Variants in MME observed in about 807,000 individuals in gnomAD.
MME encodes the protein neprilysin.
Under a neutral mutation model 113.2 loss-of-function variants are expected in MME, and 98 were observed. The observed-to-expected ratio is 0.87, with a 90% CI of 0.74 to 1.02. MME has a LOEUF of 1.02. Ranked by LOEUF, MME falls within the 50% of genes least tolerant of loss-of-function variation. The probability of loss-of-function intolerance (pLI) is 0.00; values close to 1 mark genes in which losing one functional copy is unlikely to be tolerated. For missense variants in MME, 836 were observed against 896.0 expected (o/e 0.93, Z 0.86); for synonymous variants, 292 against 300.6 (o/e 0.97, Z 0.30).
chr3:155,040,920 G>C (rs1301971807), intron 1 of MME, among the ~76,000 whole-genome samples: 1 of 152,084 alleles, frequency 6.6e-6, no homozygotes, highest in Non-Finnish European at 1.5e-5. Flanking sequence ...TTAATTTGTG[G>C]CTCAAACCAT....
At chr3:155,057,970 T>A (rs561745580) in intron 1 of MME, among the ~76,000 whole-genome samples, 2 of 152,282 alleles carry the variant, frequency 1.3e-5, no homozygotes, top group South Asian at 4.1e-4. Flanking sequence ...TTTATTTATT[T>A]TGGAAGAGAA....
At chr3:155,134,382 CAT>C (rs1263897234) in intron 8 of MME, among the ~76,000 whole-genome samples, 9 of 152,092 alleles carry the variant, frequency 5.9e-5, no homozygotes, top group Non-Finnish European at 1.2e-4. Context: ...TAAATGAGAA[CAT>C]GTGGTATTTG....
intron 3 of MME, among the ~76,000 whole-genome samples, chr3:155,108,609 A>C (rs1247908078): frequency 6.6e-6 from 1 of 152,058 alleles, no homozygotes; most frequent in Non-Finnish European, 1.5e-5. Flanking sequence ...AAAAAAAAAA[A>C]ACAAATTAAA....
intron 8 of MME, among the ~76,000 whole-genome samples, chr3:155,130,143 G>A (rs1281843135): frequency 6.6e-6 from 1 of 152,176 alleles, no homozygotes; most frequent in Non-Finnish European, 1.5e-5. Flanking sequence ...TAATAGATAT[G>A]TTTATGCTCT....
intron 3 of MME, among the ~76,000 whole-genome samples, chr3:155,092,219 C>CAGAAATAATGCTTT (rs1716356294): frequency 6.6e-6 from 1 of 152,172 alleles, no homozygotes; most frequent in Non-Finnish European, 1.5e-5. Context: ...CGGATGCACC[C>CAGAAATAATGCTTT]AGAAATAATG....
intron 1 of MME, among the ~76,000 whole-genome samples, chr3:155,042,644 AT>A (rs1222174644): frequency 6.6e-6 from 1 of 151,592 alleles, no homozygotes; most frequent in African/African-American, 2.4e-5. Context: ...GAATGTATCT[AT>A]TTTTTCATGC....
At chr3:155,026,067 G>A (rs1428180567) in intron 1 of MME, among the ~76,000 whole-genome samples, 1 of 152,024 alleles carries the variant, frequency 6.6e-6, no homozygotes, top group Non-Finnish European at 1.5e-5. Flanking sequence ...TCTTTTGCCA[G>A]TGTAGCCATG....
In MME at chr3:155,061,432, C is replaced by T. The variant is rs867672972; in HGVS notation, c.-10-22726C>T. 1.8e-4 allele frequency among the ~76,000 whole-genome samples: 22 copies of T among 121,762 alleles called. No individual in the cohort carries two copies. The South Asian group carries it at 5.8e-3, about 32-fold the overall frequency. The allele number at this position is 121,762 out of a possible 152,430, so 79.9% of individuals were successfully genotyped here. On this transcript the variant is annotated intron_variant, in intron 1 of 22. Coordinates refer to the MME transcript ENST00000492661. The stretch of plus-strand genomic sequence containing the variant: ...CGCCACTGCACTCCAACCTGGGCGA[C>T]AGAGCGAGGCTCCATCTCAAAAAAA...
At chr3:155,141,615 C>T (rs1447542853) in intron 10 of MME, among the ~76,000 whole-genome samples, 3 of 152,022 alleles carry the variant, frequency 2.0e-5, no homozygotes, top group Non-Finnish European at 2.9e-5. Context: ...TTATTAATAC[C>T]CACTTTTAAA....
intron 9 of MME, 129 bp downstream of exon 9, chr3:155,138,365 A>C (rs979892910): frequency 6.5e-6 from 6 of 917,442 alleles, no homozygotes; most frequent in Non-Finnish European, 1.0e-5. Context: ...TGGCTTGGTA[A>C]TAGATCATTG....
chr3:155,082,540 CA>C (rs1715245748), intron 1 of MME, among the ~76,000 whole-genome samples: 1 of 152,144 alleles, frequency 6.6e-6, no homozygotes, highest in Admixed American at 6.5e-5. Context: ...ATCATAACCC[CA>C]GGGGTGGTGA....
At chr3:155,142,526 C>A (rs552509657) in intron 12 of MME, among the ~76,000 whole-genome samples, 196 bp downstream of exon 12, 1 of 152,178 alleles carries the variant, frequency 6.6e-6, no homozygotes, top group East Asian at 1.9e-4. Context: ...TTATGATGGT[C>A]TATGTGGCAC....
chr3:155,083,132 AT>A (rs1287971302), intron 1 of MME, among the ~76,000 whole-genome samples: 2 of 152,074 alleles, frequency 1.3e-5, no homozygotes, highest in African/African-American at 4.8e-5. Context: ...TATCCCCTTA[AT>A]TTTCCCCCTA....
upstream of MME, among the ~76,000 whole-genome samples, chr3:155,077,273 C>G (rs543417822): frequency 3.3e-5 from 5 of 152,166 alleles, no homozygotes; most frequent in Admixed American, 6.5e-5. Context: ...GTGTCACACA[C>G]AGTGGTTTTT....
intron 22 of MME, among the ~76,000 whole-genome samples, chr3:155,176,557 A>G (rs1712537520): frequency 1.3e-5 from 2 of 152,096 alleles, no homozygotes; most frequent in Admixed American, 1.3e-4. Flanking sequence ...TGGCACAGTC[A>G]CTCACACTTG....
intron 14 of MME, 44 bp from the exon 15 acceptor site, chr3:155,147,100 A>G (rs1721573009): frequency 7.9e-7 from 1 of 1,259,286 alleles, no homozygotes; most frequent in Non-Finnish European, 1.2e-6. Flanking sequence ...TTGTATCTGA[A>G]AGTTATATAA....
Position 155,047,155 on chromosome 3 carries a change from G to A in MME, c.-11+22831G>A, listed in dbSNP as rs140529461. 8.9e-4 allele frequency among the ~76,000 whole-genome samples: 136 copies of A among 152,280 alleles called. 1 individual carries two copies. The highest frequency in any genetic ancestry group is 2.2e-3 in the African/African-American group (93 of 41,570). On this transcript the variant is annotated intron_variant, in intron 1 of 22. Transcript: ENST00000492661. Reference sequence around the variant, plus strand: ...GTTCTGCAAGTTCCATTCAAGGTATGTATCCTATACAGGTATTCCATTTAT... The same window carrying A: ...GTTCTGCAAGTTCCATTCAAGGTATATATCCTATACAGGTATTCCATTTAT...
Position 155,138,158 on chromosome 3 carries a change from A to G in MME, c.777A>G (p.Glu259=). Residue 259 remains glutamate, a synonymous_variant, in exon 9 of 23, where the codon GAA becomes GAG. Coordinates refer to ENST00000360490, the MANE Select transcript of MME (RefSeq NM_007289.4). ...CTGTGGCCAGATTGATTCGTCAGGAAGAAAGATTGCCCATCGATGAAAACC... is the reference window on the plus strand; with the variant it reads ...CTGTGGCCAGATTGATTCGTCAGGAGGAAAGATTGCCCATCGATGAAAACC... ...MISVARLIRQ[E]ERLPIDENQL... 6.2e-7 allele frequency: 1 copy of G among 1,613,798 alleles called. No individual in the cohort carries two copies. The highest frequency in any genetic ancestry group is 8.5e-7 in the Non-Finnish European group (1 of 1,179,802).
chr3:155,040,473 A>G (rs928933940), intron 1 of MME, among the ~76,000 whole-genome samples: 1 of 152,136 alleles, frequency 6.6e-6, no homozygotes, highest in East Asian at 1.9e-4. Context: ...ATATACATAC[A>G]TAAATACACG....
Sources: gnomAD v4.1 joint callset for allele counts (sites outside exome capture counted in the v4.1 genomes callset) on GRCh38, gnomAD v4.1.1 for gene constraint, MANE v1.5 for transcripts, NCBI Gene and HGNC (gene_info 2026-07-23, HGNC 2026-07-21) for gene names.